NUAK1: variants seen among roughly 807,000 people sequenced by gnomAD.
NUAK1 encodes NUAK family SNF1-like kinase 1.
In NUAK1, 26 loss-of-function variants were observed where a neutral mutation model predicts 56.9. The observed-to-expected ratio is 0.46, with a 90% CI of 0.33 to 0.63. NUAK1 has a LOEUF of 0.63. Ranked by LOEUF, NUAK1 falls within the 30% of genes least tolerant of loss-of-function variation. The pLI is 0.02. For synonymous variants in NUAK1, 337 were observed against 336.0 expected (o/e 1.00, Z -0.03); for missense variants, 727 against 876.1 (o/e 0.83, Z 2.15).
intron 1 of NUAK1, among the ~76,000 whole-genome samples, chr12:106,120,911 C>T (rs1421413659): frequency 6.6e-6 from 1 of 152,228 alleles, no homozygotes; most frequent in East Asian, 1.9e-4. Context: ...CCTTGAACTT[C>T]TGCTGTCAGC....
rs753719992 is a variant in NUAK1, at chr12:106,067,111, C to T, written c.1677G>A (p.Glu559=). Residue 559 remains glutamate (E), a synonymous_variant, in exon 7 of 7, where the codon GAG becomes GAA. Coordinates refer to ENST00000261402, the MANE Select transcript of NUAK1 (RefSeq NM_014840.3). The surrounding 1 kb of genome is among the most constrained non-coding windows in gnomAD (Gnocchi z 6.0). ...GGCGGCTGTAGCTCCGGGAGAGGCCCTCGGCAGGGACACCAGGCTCTGACA... is the reference window on the plus strand; with the variant it reads ...GGCGGCTGTAGCTCCGGGAGAGGCCTTCGGCAGGGACACCAGGCTCTGACA... ...ESLSEPGVPA[E]GLSRSYSRPS... 8.1e-6 allele frequency: 13 copies of T among 1,614,112 alleles called. No individual in the cohort carries two copies. The highest frequency in any genetic ancestry group is 1.1e-5 in the Non-Finnish European group (13 of 1,180,042).
chr12:106,071,004 G>GCACCCC lies in NUAK1; in HGVS notation c.700-99_700-98insGGGGTG, dbSNP rs1409868770. On this transcript the variant is annotated intron_variant, in intron 5 of 6. Transcript: ENST00000261402. Reference sequence around the variant, plus strand: ...CATAGCCTGTGAGCAGCCACCCCCAGCAGCCCCAGGAACTGAATTTAGCAC... The same window carrying GCACCCC: ...CATAGCCTGTGAGCAGCCACCCCCAGCACCCCCAGCCCCAGGAACTGAATTTAGCAC... 4.0e-5 allele frequency: 53 copies of GCACCCC among 1,340,940 alleles called. No homozygotes were observed. In the African/African-American group the frequency reaches 7.2e-4, roughly 18 times the overall value. 83.1% of individuals were successfully genotyped at this position (1,340,940 alleles called of 1,614,324 possible). A position where few individuals can be genotyped will look rare whatever the true frequency, so the allele number is the denominator to read the frequency against.
At chr12:106,080,799 C>T (rs575494526) in intron 4 of NUAK1, among the ~76,000 whole-genome samples, 34 of 152,320 alleles carry the variant, frequency 2.2e-4, no homozygotes, top group South Asian at 4.1e-4. Context: ...AGAGGGGGCT[C>T]CAAGAGAGGA....
intron 2 of NUAK1, among the ~76,000 whole-genome samples, chr12:106,090,714 A>G (rs541795636): frequency 1.3e-5 from 2 of 152,292 alleles, no homozygotes; most frequent in East Asian, 1.9e-4. Context: ...TCACAGGTCT[A>G]TCGCCCTCAG....
intron 1 of NUAK1, among the ~76,000 whole-genome samples, chr12:106,130,835 T>C (rs1041647416): frequency 6.6e-5 from 10 of 152,322 alleles, no homozygotes; most frequent in Middle Eastern, 3.4e-3. Context: ...ACCTACTGTG[T>C]GCCAGGCACC....
intron 2 of NUAK1, among the ~76,000 whole-genome samples, chr12:106,097,141 A>G (rs1291337758): frequency 6.6e-6 from 1 of 152,208 alleles, no homozygotes; most frequent in African/African-American, 2.4e-5. Context: ...TACATTATCT[A>G]TAAAGCAGCT....
In NUAK1 at chr12:106,103,736, C is replaced by G. The variant is rs190858083; in HGVS notation, c.361+2669G>C. Among the ~76,000 whole-genome samples, 25 of 152,264 alleles carry G rather than the reference C, an allele frequency of 1.6e-4. No homozygotes were observed. In the East Asian group the frequency reaches 4.2e-3, roughly 26 times the overall value. On this transcript the variant is annotated intron_variant, in intron 2 of 6. Transcript: ENST00000261402. ...TAATCCCTATATGTTGTGGAAGGGA[C>G]CCGGTGGGAGGTAATTTAATCATGG...
At chr12:106,109,766 GTAGAGAAATAATAGTACCTGCCTCA>G (rs1238872159) in intron 1 of NUAK1, among the ~76,000 whole-genome samples, 1 of 152,174 alleles carries the variant, frequency 6.6e-6, no homozygotes, top group Non-Finnish European at 1.5e-5. Context: ...CATTCATCTA[GTAGAGAAATAATAGTACCTGCCTCA>G]TAGGTCCTGG....
chr12:106,067,531 A>G lies in NUAK1; in HGVS notation c.1257T>C (p.Gly419=). The change falls in exon 7 of 7, where the codon GGT becomes GGC. Residue 419 remains glycine, a synonymous_variant. Transcript: ENST00000261402. The surrounding 1 kb of genome is among the most constrained non-coding windows in gnomAD (Gnocchi z 6.0). ...TAGAGGGTAAGGCAGGACCAACTACACCTTCAATGAAGCCAGTGCTGTGAG... is the reference window on the plus strand; with the variant it reads ...TAGAGGGTAAGGCAGGACCAACTACGCCTTCAATGAAGCCAGTGCTGTGAG... ...HRSHSTGFIE[G]VVGPALPSTF... is the part of the protein sequence containing the mutation. The G allele has an allele frequency of 6.2e-7, 1 of 1,614,002 alleles. No individual in the cohort carries two copies. Among genetic ancestry groups the G allele is most frequent in the African/African-American group, 1.3e-5 (1 of 74,990 alleles).
At chr12:106,120,033 A>G (rs1445046952) in intron 1 of NUAK1, among the ~76,000 whole-genome samples, 1 of 152,188 alleles carries the variant, frequency 6.6e-6, no homozygotes, top group East Asian at 1.9e-4. Flanking sequence ...TTTCCACTTA[A>G]CCAAAGCATC....
At chr12:106,085,728 A>T (rs769275495) in intron 3 of NUAK1, among the ~76,000 whole-genome samples, 23 of 152,116 alleles carry the variant, frequency 1.5e-4, no homozygotes, top group South Asian at 4.2e-4. Context: ...TATTTTGGAG[A>T]TGGGGTCTCA....
chr12:106,125,911 TC>T (rs1016459762), intron 1 of NUAK1, among the ~76,000 whole-genome samples: 3 of 122,042 alleles, frequency 2.5e-5, no homozygotes, highest in East Asian at 5.1e-4. Context: ...ACCATTAGTC[TC>T]CCCCCTGCAT....
At chr12:106,137,683 C>T (rs1401310055) in intron 1 of NUAK1, among the ~76,000 whole-genome samples, 1 of 152,268 alleles carries the variant, frequency 6.6e-6, no homozygotes, top group Non-Finnish European at 1.5e-5. Context: ...CAGACCCCTT[C>T]AGCGGTTTGG....
chr12:106,081,776 C>T (rs1477345344), intron 4 of NUAK1, among the ~76,000 whole-genome samples: 1 of 152,226 alleles, frequency 6.6e-6, no homozygotes, highest in Non-Finnish European at 1.5e-5. Flanking sequence ...AGAGGTCACA[C>T]TGCACCATAG....
At chr12:106,098,242 A>T (rs960400462) in intron 2 of NUAK1, among the ~76,000 whole-genome samples, 1 of 152,188 alleles carries the variant, frequency 6.6e-6, no homozygotes. Flanking sequence ...AGATGAGAGG[A>T]GCTTTTAACT....
At chr12:106,134,163 T>C (rs1166444748) in intron 1 of NUAK1, among the ~76,000 whole-genome samples, 2 of 152,212 alleles carry the variant, frequency 1.3e-5, no homozygotes, top group Non-Finnish European at 2.9e-5. Flanking sequence ...TGCGCCTTAC[T>C]GGTCCCACCT....
intron 2 of NUAK1, among the ~76,000 whole-genome samples, chr12:106,091,849 T>C (rs931797763): frequency 2.2e-4 from 34 of 152,286 alleles, no homozygotes; most frequent in African/African-American, 7.0e-4. Flanking sequence ...TTAAAACATT[T>C]ATTCCTCACA....
Position 106,083,800 on chromosome 12 carries a change from T to A in NUAK1, c.579+64A>T, listed in dbSNP as rs1404795411. 27 of 1,451,004 alleles carry A rather than the reference T, an allele frequency of 1.9e-5. No homozygotes were observed. In the Admixed American group the frequency reaches 4.5e-4, roughly 24 times the overall value. 89.9% of individuals were successfully genotyped at this position (1,451,004 alleles called of 1,614,324 possible). On this transcript the variant is annotated intron_variant, in intron 4 of 6. Transcript: ENST00000261402. ...TTTCCAGGCTGCGGCTTGGAGCAGG[T>A]TAAGCCTCCATCCGGCTGCAAGACC...
At chr12:106,075,314 CACACAGAGAG>C (rs1181023780) in intron 4 of NUAK1, among the ~76,000 whole-genome samples, 32 of 151,148 alleles carry the variant, frequency 2.1e-4, no homozygotes, top group African/African-American at 7.6e-4. Context: ...CACACACACA[CACACAGAGAG>C]AGAGAGAGAG....
Sources: allele counts gnomAD v4.1 joint callset (sites outside exome capture counted in the v4.1 genomes callset), GRCh38; gene constraint gnomAD v4.1.1; non-coding constraint Gnocchi (gnomAD v3.1); transcripts MANE v1.5; gene names NCBI Gene and HGNC (gene_info 2026-07-23, HGNC 2026-07-21).